UNC5A: variants seen among roughly 807,000 people sequenced by gnomAD.
The protein encoded by UNC5A is unc-5 netrin receptor A.
UNC5A carries 20 observed loss-of-function variants against 87.4 expected under a neutral mutation model. The observed-to-expected ratio is 0.23, with a 90% CI of 0.16 to 0.33. UNC5A has a LOEUF of 0.33. Ranked by LOEUF, UNC5A falls within the 10% of genes least tolerant of loss-of-function variation. The pLI is 1.00. For synonymous variants in UNC5A, 438 were observed against 482.3 expected (o/e 0.91, Z 1.20); for missense variants, 844 against 1,133.4 (o/e 0.74, Z 3.67).
intron 1 of UNC5A, among the ~76,000 whole-genome samples, chr5:176,837,146 C>T (rs982828071): frequency 4.6e-5 from 7 of 152,160 alleles, no homozygotes; most frequent in African/African-American, 1.7e-4. Flanking sequence ...GCTCCCATAG[C>T]CCCTTTAAAC....
rs527581822 is a variant in UNC5A at position 176,866,353 on chromosome 5, C to A, written c.293-1777C>A. Among the ~76,000 whole-genome samples, 1 of 152,244 alleles carries A rather than the reference C, an allele frequency of 6.6e-6. No individual in the cohort carries two copies. Among genetic ancestry groups the A allele is most frequent in the Non-Finnish European group, 1.5e-5 (1 of 68,014 alleles). Reference sequence around the variant, plus strand: ...TCACCAAGGCACTGCGTGGAGCTGGCACATTGAGGACACACTTGGCCCTCA... The same window carrying A: ...TCACCAAGGCACTGCGTGGAGCTGGAACATTGAGGACACACTTGGCCCTCA... On this transcript the variant is annotated intron_variant, in intron 2 of 14. Transcript: ENST00000329542. The surrounding 1 kb of genome is among the most constrained non-coding windows in gnomAD (Gnocchi z 5.0).
Position 176,880,071 on chromosome 5 carries a change from C to T in UNC5A, c.*185C>T, listed in dbSNP as rs1581284909. 3.9e-6 allele frequency: 3 copies of T among 778,216 alleles called. No homozygotes were observed. Among genetic ancestry groups the T allele is most frequent in the East Asian group, 5.7e-5 (2 of 35,200 alleles). The allele number at this position is 778,216 out of a possible 1,614,324, so 48.2% of individuals were successfully genotyped here. A position where few individuals can be genotyped will look rare whatever the true frequency, so the allele number is the denominator to read the frequency against. ...CGAACTCCCACCTCTCCATGGCCTG[C>T]CTAGCCAGGCTGGCACTGCCACTCA... On this transcript the variant is annotated 3_prime_UTR_variant, in exon 15 of 15. Coordinates refer to ENST00000329542, the MANE Select transcript of UNC5A (RefSeq NM_133369.3).
Position 176,866,984 on chromosome 5 carries a change from G to A in UNC5A, c.293-1146G>A, listed in dbSNP as rs537649539. Among the ~76,000 whole-genome samples the A allele has an allele frequency of 8.5e-5, 13 of 152,212 alleles. No homozygotes were observed. The highest frequency in any genetic ancestry group is 2.0e-4 in the Admixed American group (3 of 15,280). The stretch of plus-strand genomic sequence containing the variant: ...GAGAGCCCAGAGGCTTGTGAGGAGG[G>A]GTCTGGGAAGCAGTCGGAGAAAGTC... On this transcript the variant is annotated intron_variant, in intron 2 of 14. Coordinates refer to ENST00000329542, the MANE Select transcript of UNC5A (RefSeq NM_133369.3). The surrounding 1 kb of genome is among the most constrained non-coding windows in gnomAD (Gnocchi z 5.0).
At chr5:176,835,777 C>T (rs1486812972) in intron 1 of UNC5A, among the ~76,000 whole-genome samples, 1 of 150,170 alleles carries the variant, frequency 6.7e-6, no homozygotes, top group Non-Finnish European at 1.5e-5. Flanking sequence ...AAATGATGTG[C>T]ACATCCTAAG....
chr5:176,872,277 T>C (rs1351001321), intron 6 of UNC5A, among the ~76,000 whole-genome samples: 1 of 16,780 alleles, frequency 6.0e-5, no homozygotes, highest in East Asian at 1.0e-3. Flanking sequence ...CTGCCCACAC[T>C]CGCCCAACAC....
At chr5:176,843,093 A>C (rs1364930362) in intron 1 of UNC5A, among the ~76,000 whole-genome samples, 2 of 151,274 alleles carry the variant, frequency 1.3e-5, no homozygotes, top group East Asian at 3.9e-4. Context: ...CCCAGGAGGC[A>C]GTGGTTGCAG....
chr5:176,865,983 T>G lies in UNC5A; in HGVS notation c.293-2147T>G, dbSNP rs1757966141. 6.6e-6 allele frequency among the ~76,000 whole-genome samples: 1 copy of G among 152,184 alleles called. No homozygotes were observed. Among genetic ancestry groups the G allele is most frequent in the African/African-American group, 2.4e-5 (1 of 41,458 alleles). On this transcript the variant is annotated intron_variant, in intron 2 of 14. Coordinates refer to ENST00000329542, the MANE Select transcript of UNC5A (RefSeq NM_133369.3). This position sits in a 1 kb window ranked among gnomAD's most constrained non-coding sequence, Gnocchi z 5.3. ...ATAACTTATTTTGTGTTAAACAAAC[T>G]GATTGGTTATTAGATTGTTTAGAAG...
intron 8 of UNC5A, 48 bp from the exon 9 acceptor site, chr5:176,877,144 G>A (rs753508719): frequency 2.1e-6 from 3 of 1,453,928 alleles, no homozygotes; most frequent in South Asian, 1.2e-5. Flanking sequence ...GTGGGGTGTT[G>A]GGTGCTTTGG....
intron 1 of UNC5A, among the ~76,000 whole-genome samples, chr5:176,826,382 G>C (rs1312792639): frequency 1.3e-5 from 2 of 152,224 alleles, no homozygotes; most frequent in Non-Finnish European, 2.9e-5. Context: ...GGCCAGGCAG[G>C]CTACTTCCAC....
chr5:176,843,259 G>A (rs913573490), intron 1 of UNC5A, among the ~76,000 whole-genome samples: 2 of 152,102 alleles, frequency 1.3e-5, no homozygotes, highest in African/African-American at 4.8e-5. Flanking sequence ...GCTGTGGTGC[G>A]TCCACACGGT....
chr5:176,819,663 T>C (rs571238158), intron 1 of UNC5A, among the ~76,000 whole-genome samples: 3 of 152,270 alleles, frequency 2.0e-5, no homozygotes, highest in African/African-American at 7.2e-5. Flanking sequence ...GTCCAAGTCT[T>C]CCATCATTGG....
rs780332206 is a variant in UNC5A at position 176,866,081 on chromosome 5, C to T, written c.293-2049C>T. Among the ~76,000 whole-genome samples the T allele has an allele frequency of 6.6e-6, 1 of 152,222 alleles. No homozygotes were observed. Among genetic ancestry groups the T allele is most frequent in the Non-Finnish European group, 1.5e-5 (1 of 68,038 alleles). On this transcript the variant is annotated intron_variant, in intron 2 of 14. Coordinates refer to ENST00000329542, the MANE Select transcript of UNC5A (RefSeq NM_133369.3). The surrounding 1 kb of genome is among the most constrained non-coding windows in gnomAD (Gnocchi z 5.0). ...CCCCAGCTAGAAACCCTGGGCAGCC[C>T]AGGTTCACACACACACCCGCCCAGG... is the stretch of plus-strand genomic sequence containing the variant.
At chr5:176,870,102 G>A (rs138598545) in intron 5 of UNC5A, among the ~76,000 whole-genome samples, 19 of 152,242 alleles carry the variant, frequency 1.2e-4, no homozygotes, top group Non-Finnish European at 2.4e-4. Flanking sequence ...GAGAGCCCTC[G>A]CTGCCCCAGG....
intron 1 of UNC5A, among the ~76,000 whole-genome samples, chr5:176,823,412 G>A (rs1157488578): frequency 1.3e-5 from 2 of 152,112 alleles, no homozygotes; most frequent in Admixed American, 1.3e-4. Context: ...GCGGAACAGC[G>A]TTTCCGGGTC....
intron 2 of UNC5A, among the ~76,000 whole-genome samples, chr5:176,864,088 G>C (rs902112646): frequency 3.3e-5 from 5 of 151,854 alleles, no homozygotes; most frequent in African/African-American, 1.2e-4. Flanking sequence ...GCTGGGACAA[G>C]CAGGTGTCAC....
intron 1 of UNC5A, among the ~76,000 whole-genome samples, chr5:176,842,443 G>A (rs692331): frequency 0.099 from 14,974 of 151,760 alleles, 1,870 homozygotes; most frequent in African/African-American, 0.3. Context: ...CAATTGCACA[G>A]TCGTGGAACC....
chr5:176,839,608 G>A (rs1205991050), intron 1 of UNC5A, among the ~76,000 whole-genome samples: 1 of 152,204 alleles, frequency 6.6e-6, no homozygotes, highest in East Asian at 1.9e-4. Flanking sequence ...CCTGGTTTGT[G>A]GGTAAGATCC....
intron 1 of UNC5A, among the ~76,000 whole-genome samples, chr5:176,813,294 G>A (rs1756514356): frequency 6.6e-6 from 1 of 152,202 alleles, no homozygotes; most frequent in South Asian, 2.1e-4. Flanking sequence ...CTTGAAGATG[G>A]GGCTGAGGGG....
Position 176,874,209 on chromosome 5 carries a change from T to G in UNC5A, c.1075+53T>G. On this transcript the variant is annotated intron_variant, in intron 7 of 14. Transcript: ENST00000329542. The surrounding 1 kb of genome is among the most constrained non-coding windows in gnomAD (Gnocchi z 7.6). ...CTGCCCCAGCTCCCACGCCAAGGGC[T>G]GCTGGGGCAGGGATGCCCTAGGTGC... 1.3e-6 allele frequency: 2 copies of G among 1,597,888 alleles called. No homozygotes were observed. The highest frequency in any genetic ancestry group is 1.7e-6 in the Non-Finnish European group (2 of 1,169,716).
Sources: gnomAD v4.1 joint callset for allele counts (sites outside exome capture counted in the v4.1 genomes callset) on GRCh38, gnomAD v4.1.1 for gene constraint, Gnocchi (gnomAD v3.1) non-coding constraint, MANE v1.5 for transcripts, NCBI Gene and HGNC (gene_info 2026-07-23, HGNC 2026-07-21) for gene names.